The following FHIT variants were observed in gnomAD, a reference collection of about 807,000 sequenced individuals.
FHIT encodes the protein fragile histidine triad diadenosine triphosphatase.
A neutral mutation model predicts 17.9 loss-of-function variants in FHIT; 19 were observed. The observed-to-expected ratio is 1.06, with a 90% CI of 0.74 to 1.56. The LOEUF (loss-of-function observed/expected upper bound fraction) is 1.56. FHIT is among the 40% of genes most tolerant of loss of function. The pLI is 0.00. For missense variants in FHIT, 248 were observed against 189.2 expected (o/e 1.31, Z -1.82); for synonymous variants, 81 against 69.7 (o/e 1.16, Z -0.81).
chr3:60,011,500 G>T, intron 6 of FHIT, 100 bp from the exon 7 acceptor site: 2 of 1,032,312 alleles, frequency 1.9e-6, no homozygotes, highest in Admixed American at 1.8e-5. Flanking sequence ...CAATTTCATT[G>T]TGTGTTAATT....
intron 5 of FHIT, among the ~76,000 whole-genome samples, chr3:60,030,956 T>C (rs1241087418): frequency 3.3e-5 from 5 of 152,230 alleles, no homozygotes; most frequent in Non-Finnish European, 7.3e-5. Flanking sequence ...CTCTGGGTTG[T>C]CTTCCTTTTC....
chr3:60,939,636 T>G (rs1374358208), intron 3 of FHIT, among the ~76,000 whole-genome samples: 1 of 152,164 alleles, frequency 6.6e-6, no homozygotes, highest in Non-Finnish European at 1.5e-5. Flanking sequence ...AGAATAGTAT[T>G]AAAGAATACT....
At chr3:60,759,420 A>G (rs1553719129) in intron 4 of FHIT, among the ~76,000 whole-genome samples, 1 of 152,250 alleles carries the variant, frequency 6.6e-6, no homozygotes, top group African/African-American at 2.4e-5. Context: ...AGTTGAAAGA[A>G]GAGGTCTAAG....
chr3:61,250,857 G>T (rs544981498), intron 1 of FHIT, among the ~76,000 whole-genome samples: 1 of 152,300 alleles, frequency 6.6e-6, no homozygotes, highest in Non-Finnish European at 1.5e-5. Context: ...ACTCCGGTTT[G>T]CTCCTGTCCT....
intron 8 of FHIT, among the ~76,000 whole-genome samples, chr3:59,876,397 A>G (rs1435510169): frequency 1.3e-5 from 2 of 152,096 alleles, no homozygotes; most frequent in Non-Finnish European, 2.9e-5. Context: ...GGAATTATAG[A>G]GAAGTATTTG....
chr3:61,005,160 T>C (rs934279736), intron 3 of FHIT, among the ~76,000 whole-genome samples: 1 of 152,184 alleles, frequency 6.6e-6, no homozygotes, highest in Non-Finnish European at 1.5e-5. Flanking sequence ...TAAATGAAGC[T>C]CAGATATGTT....
chr3:60,241,540 T>G (rs1259239602), intron 5 of FHIT, among the ~76,000 whole-genome samples: 2 of 152,108 alleles, frequency 1.3e-5, no homozygotes, highest in Non-Finnish European at 2.9e-5. Flanking sequence ...AATCTGTAGT[T>G]TTTTTGCTTT....
chr3:61,119,835 CTT>C (rs2036405067), intron 2 of FHIT, among the ~76,000 whole-genome samples: 1 of 152,176 alleles, frequency 6.6e-6, no homozygotes, highest in Non-Finnish European at 1.5e-5. Flanking sequence ...GGCTTTCAGA[CTT>C]TAACTAGAAC....
At chr3:60,922,713 C>G (rs557444335) in intron 3 of FHIT, among the ~76,000 whole-genome samples, 1 of 152,276 alleles carries the variant, frequency 6.6e-6, no homozygotes, top group African/African-American at 2.4e-5. Flanking sequence ...GCTTTCCTCT[C>G]CAATCACCAA....
intron 5 of FHIT, among the ~76,000 whole-genome samples, chr3:60,439,531 T>C (rs1470881314): frequency 6.6e-6 from 1 of 152,034 alleles, no homozygotes; most frequent in Non-Finnish European, 1.5e-5. Flanking sequence ...CTCGAAGGAT[T>C]ACAGGTGATC....
intron 5 of FHIT, among the ~76,000 whole-genome samples, chr3:60,198,775 A>G (rs1281920434): frequency 2.0e-5 from 3 of 152,116 alleles, no homozygotes; most frequent in African/African-American, 7.2e-5. Context: ...TTTTTGGCAA[A>G]TTCTTCATAT....
chr3:60,811,822 G>A (rs1206337007), intron 4 of FHIT, among the ~76,000 whole-genome samples: 1 of 152,096 alleles, frequency 6.6e-6, no homozygotes, highest in African/African-American at 2.4e-5. Flanking sequence ...TTCTAAAATA[G>A]GGATAATATA....
chr3:60,640,247 G>GA (rs1553684996), intron 4 of FHIT, among the ~76,000 whole-genome samples: 7 of 152,012 alleles, frequency 4.6e-5, no homozygotes, highest in Non-Finnish European at 1.0e-4. Context: ...CTCAATGAAT[G>GA]AATTTTACAT....
chr3:60,613,882 G>A (rs2038860925), intron 4 of FHIT, among the ~76,000 whole-genome samples: 1 of 151,990 alleles, frequency 6.6e-6, no homozygotes, highest in Non-Finnish European at 1.5e-5. Context: ...TAAGGGCTCA[G>A]GTACCCAAGA....
chr3:60,981,937 T>C (rs1710514479), intron 3 of FHIT, among the ~76,000 whole-genome samples: 1 of 152,114 alleles, frequency 6.6e-6, no homozygotes, highest in Non-Finnish European at 1.5e-5. Context: ...CGTGTCAATT[T>C]TACCTACAAA....
chr3:61,066,683 A>T (rs1394650811), intron 2 of FHIT, among the ~76,000 whole-genome samples: 1 of 152,180 alleles, frequency 6.6e-6, no homozygotes, highest in East Asian at 1.9e-4. Context: ...TCTGCACCCC[A>T]GTTGGCAGCA....
At chr3:60,462,709 A>G (rs1485204299) in intron 5 of FHIT, among the ~76,000 whole-genome samples, 1 of 152,140 alleles carries the variant, frequency 6.6e-6, no homozygotes, top group Non-Finnish European at 1.5e-5. Context: ...ACAGGAGGTT[A>G]TGGCCCCAGG....
At chr3:60,514,076 G>A (rs1288059699) in intron 5 of FHIT, among the ~76,000 whole-genome samples, 1 of 152,106 alleles carries the variant, frequency 6.6e-6, no homozygotes, top group East Asian at 1.9e-4. Context: ...ATCCTGCTGA[G>A]ATCCACTTTC....
chr3:60,886,859 ACTAC>A (rs1169007013), intron 3 of FHIT, among the ~76,000 whole-genome samples: 1 of 152,212 alleles, frequency 6.6e-6, no homozygotes, highest in East Asian at 1.9e-4. Flanking sequence ...TAGACTATCT[ACTAC>A]CTAGGTCATA....
Sources: gnomAD v4.1 joint callset for allele counts (sites outside exome capture counted in the v4.1 genomes callset) on GRCh38, gnomAD v4.1.1 for gene constraint, MANE v1.5 for transcripts, NCBI Gene and HGNC (gene_info 2026-07-23, HGNC 2026-07-21) for gene names.